PARM1: variants seen among roughly 807,000 people sequenced by gnomAD.
The protein encoded by PARM1 is prostate androgen-regulated mucin-like protein 1, also known as WSC4, cell wall integrity and stress response component 4 homolog.
A neutral mutation model predicts 24.6 loss-of-function variants in PARM1; 14 were observed. The observed-to-expected ratio is 0.57, with a 90% confidence interval of 0.38 to 0.89. The LOEUF is 0.89. PARM1 is among the 40% of genes least tolerant of loss of function. PARM1 has a pLI of 0.00. For missense variants in PARM1, 362 were observed against 380.4 expected (o/e 0.95, Z 0.40); for synonymous variants, 179 against 156.6 (o/e 1.14, Z -1.07).
intron 1 of PARM1, among the ~76,000 whole-genome samples, chr4:74,941,900 A>G (rs1432095091): frequency 2.6e-5 from 4 of 152,238 alleles, no homozygotes; most frequent in African/African-American, 9.6e-5. Context: ...TCATACGAAG[A>G]GAACCATAGC....
rs1723392266 is a variant in PARM1, at chr4:75,037,355, A to T, written c.848+3394A>T. On this transcript the variant is annotated intron_variant, in intron 3 of 3. Coordinates refer to ENST00000307428, the MANE Select transcript of PARM1 (RefSeq NM_015393.4). Reference sequence around the variant, plus strand: ...GCCCTGGCCCAGCCAAGTTCTCTGCAAATGCAAGGGGAGAATCTGCTTGAA... The same window carrying T: ...GCCCTGGCCCAGCCAAGTTCTCTGCTAATGCAAGGGGAGAATCTGCTTGAA... Among the ~76,000 whole-genome samples, 3 of 152,222 alleles carry T rather than the reference A, an allele frequency of 2.0e-5. No individual in the cohort carries two copies. The South Asian group carries it at 6.2e-4, about 31-fold the overall frequency.
chr4:74,951,668 C>T (rs367745032), intron 1 of PARM1, among the ~76,000 whole-genome samples: 9 of 152,098 alleles, frequency 5.9e-5, no homozygotes, highest in East Asian at 1.9e-4. Context: ...CTCCCACTTA[C>T]GAGTGAGAAT....
chr4:74,982,701 A>T (rs1192139426), intron 1 of PARM1, among the ~76,000 whole-genome samples: 2 of 152,192 alleles, frequency 1.3e-5, no homozygotes, highest in Non-Finnish European at 2.9e-5. Context: ...TTTCCAGGGT[A>T]ACTTTCAGAA....
At position 75,046,304 on chromosome 4, in the gene PARM1, CA is replaced by C. The variant is rs1723601611; in HGVS notation, c.*58del. ...TGTTCTTTATTTATAAGTGCTTATC[CA>C]GTAGAATTAATAAGTACCTGATGCG... On this transcript the variant is annotated 3_prime_UTR_variant, in exon 4 of 4. Transcript: ENST00000307428. The C allele has an allele frequency of 8.8e-7, 1 of 1,137,004 alleles. No individual in the cohort carries two copies. Among genetic ancestry groups the C allele is most frequent in the Admixed American group, 1.8e-5 (1 of 55,738 alleles). The allele number at this position is 1,137,004 out of a possible 1,614,324, so 70.4% of individuals were successfully genotyped here.
At chr4:74,950,793 T>C (rs1319704963) in intron 1 of PARM1, among the ~76,000 whole-genome samples, 1 of 152,170 alleles carries the variant, frequency 6.6e-6, no homozygotes, top group East Asian at 1.9e-4. Flanking sequence ...TTGATGAGAC[T>C]GTTTAAATCA....
chr4:74,970,855 A>T (rs929884588), intron 1 of PARM1, among the ~76,000 whole-genome samples: 1 of 152,144 alleles, frequency 6.6e-6, no homozygotes, highest in African/African-American at 2.4e-5. Flanking sequence ...GGCAATATAG[A>T]GTTGTGGGAG....
At chr4:74,951,015 T>C (rs1478324435) in intron 1 of PARM1, among the ~76,000 whole-genome samples, 1 of 152,338 alleles carries the variant, frequency 6.6e-6, no homozygotes, top group East Asian at 1.9e-4. Context: ...CATCTGACTC[T>C]TTGAAACCAA....
chr4:75,044,620 G>A (rs374534857), intron 3 of PARM1, among the ~76,000 whole-genome samples: 93 of 152,280 alleles, frequency 6.1e-4, no homozygotes, highest in African/African-American at 2.1e-3. Flanking sequence ...TATGTTAGAA[G>A]GTGAGGAGTA....
chr4:75,026,258 A>AAAT (rs146372932), intron 2 of PARM1, among the ~76,000 whole-genome samples: 3,840 of 152,304 alleles, frequency 0.025, 155 homozygotes, highest in African/African-American at 0.088. Context: ...GGGCCTAGAC[A>AAAT]AATAATAAAG....
chr4:74,975,703 C>T (rs561950978), intron 1 of PARM1, among the ~76,000 whole-genome samples: 1 of 152,288 alleles, frequency 6.6e-6, no homozygotes, highest in Non-Finnish European at 1.5e-5. Flanking sequence ...ATCAACCTCA[C>T]AATGGCTTGA....
chr4:75,017,439 CT>C (rs1723009791), intron 2 of PARM1, among the ~76,000 whole-genome samples: 1 of 152,172 alleles, frequency 6.6e-6, no homozygotes, highest in Admixed American at 6.5e-5. Context: ...ACCATCCCCC[CT>C]ATCTAGAACA....
chr4:74,935,518 C>A (rs1200938104), intron 1 of PARM1, among the ~76,000 whole-genome samples: 1 of 152,208 alleles, frequency 6.6e-6, no homozygotes, highest in Non-Finnish European at 1.5e-5. Flanking sequence ...AAAGTGCACA[C>A]ACATGTGTTT....
At chr4:75,022,013 A>G (rs1354698041) in intron 2 of PARM1, among the ~76,000 whole-genome samples, 1 of 152,194 alleles carries the variant, frequency 6.6e-6, no homozygotes, top group Non-Finnish European at 1.5e-5. Flanking sequence ...ATTCTGTTTC[A>G]AGCTCTTTGA....
chr4:75,025,435 G>A (rs567511499), intron 2 of PARM1, among the ~76,000 whole-genome samples: 1 of 152,200 alleles, frequency 6.6e-6, no homozygotes, highest in Non-Finnish European at 1.5e-5. Flanking sequence ...TCACATTACA[G>A]GTGTCAAAAG....
chr4:74,989,952 T>C (rs1722434109), intron 1 of PARM1, among the ~76,000 whole-genome samples: 1 of 152,118 alleles, frequency 6.6e-6, no homozygotes, highest in Admixed American at 6.5e-5. Flanking sequence ...TGAGGCCTTG[T>C]AGCAAGGGAG....
chr4:75,044,317 T>G (rs780029722), intron 3 of PARM1, among the ~76,000 whole-genome samples: 11 of 152,326 alleles, frequency 7.2e-5, no homozygotes, highest in African/African-American at 1.4e-4. Context: ...TAACAAATGC[T>G]CATTTTGTGA....
At chr4:74,949,307 A>G (rs914441876) in intron 1 of PARM1, among the ~76,000 whole-genome samples, 4 of 152,104 alleles carry the variant, frequency 2.6e-5, no homozygotes, top group Non-Finnish European at 5.9e-5. Flanking sequence ...CATGAGTTAT[A>G]TCTCTGTATA....
chr4:75,031,533 A>T (rs1723278649), intron 2 of PARM1, among the ~76,000 whole-genome samples: 1 of 152,176 alleles, frequency 6.6e-6, no homozygotes, highest in Non-Finnish European at 1.5e-5. Flanking sequence ...ACAATAAAAA[A>T]AAAAAAAGAT....
At chr4:74,955,965 CA>C (rs781681157) in intron 1 of PARM1, 6 of 152,142 alleles carry the variant, frequency 3.9e-5, no homozygotes, top group Non-Finnish European at 8.8e-5. Context: ...AAAACTAATT[CA>C]AAAGAAATCA....
Sources: allele counts gnomAD v4.1 joint callset (sites outside exome capture counted in the v4.1 genomes callset), GRCh38; gene constraint gnomAD v4.1.1; transcripts MANE v1.5; gene names NCBI Gene and HGNC (gene_info 2026-07-23, HGNC 2026-07-21).